PROZ: variants seen among roughly 807,000 people sequenced by gnomAD.
PROZ encodes the protein vitamin K-dependent protein Z.
A neutral mutation model predicts 34.9 loss-of-function variants in PROZ; 46 were observed. The observed-to-expected ratio is 1.32, with a 90% CI of 1.04 to 1.69. The LOEUF is 1.69. PROZ is among the 40% of genes most tolerant of loss of function. The pLI is 0.00. For synonymous variants in PROZ, 195 were observed against 208.5 expected (o/e 0.94, Z 0.56); for missense variants, 530 against 520.4 (o/e 1.02, Z -0.18).
intron 5 of PROZ, 22 bp from the exon 6 acceptor site, chr13:113,165,031 C>G: frequency 6.2e-7 from 1 of 1,612,592 alleles, no homozygotes; most frequent in African/African-American, 1.3e-5. Context: ...TTTTTATTCT[C>G]ATGTTGCTGC....
chr13:113,162,895 C>G, intron 3 of PROZ, 114 bp from the exon 4 acceptor site: 1 of 611,800 alleles, frequency 1.6e-6, no homozygotes. Context: ...GCTGCCACCC[C>G]CCACTCCATC....
Position 113,172,325 on chromosome 13 carries a change from C to G in PROZ, c.*220C>G. The G allele has an allele frequency of 3.3e-6, 2 of 602,480 alleles. No homozygotes were observed. The highest frequency in any genetic ancestry group is 5.9e-5 in the Admixed American group (2 of 33,906). 37.3% of individuals were successfully genotyped at this position (602,480 alleles called of 1,614,324 possible). On this transcript the variant is annotated 3_prime_UTR_variant, in exon 8 of 8. Transcript: ENST00000375547. ...TGGAACTCTTTATCTCAATAGAGAC[C>G]TTAAAAGAAAACATGAGATACGTTA...
At chr13:113,160,441 TCAGA>T (rs1482979344) in intron 2 of PROZ, among the ~76,000 whole-genome samples, 1 of 152,198 alleles carries the variant, frequency 6.6e-6, no homozygotes, top group Admixed American at 6.5e-5. Flanking sequence ...CACACACTGA[TCAGA>T]CACCCAGCAT....
In PROZ at chr13:113,159,223, G is replaced by A. The variant is rs1290933118; in HGVS notation, c.70+493G>A. 1.3e-6 allele frequency: 2 copies of A among 1,548,076 alleles called. No homozygotes were observed. Among genetic ancestry groups the A allele is most frequent in the East Asian group, 2.4e-5 (1 of 40,902 alleles). ...GCCACTTCACTGAAGGAACGACATG[G>A]ACTCCATTCTGACTCTGCCTGCACA... is the stretch of plus-strand genomic sequence containing the variant. On this transcript the variant is annotated intron_variant, in intron 1 of 7. Coordinates refer to ENST00000375547, the MANE Select transcript of PROZ (RefSeq NM_003891.3). The surrounding 1 kb of genome is among the most constrained non-coding windows in gnomAD (Gnocchi z 4.6).
chr13:113,164,940 T>TATA, intron 5 of PROZ, 113 bp from the exon 6 acceptor site: 6 of 1,112,492 alleles, frequency 5.4e-6, no homozygotes, highest in Non-Finnish European at 8.0e-6. Flanking sequence ...AGGATAAGAT[T>TATA]ATAATGGTTA....
intron 3 of PROZ, 92 bp downstream of exon 3, chr13:113,161,064 G>A (rs1176077442): frequency 2.2e-5 from 25 of 1,152,670 alleles, no homozygotes; most frequent in East Asian, 7.0e-5. Flanking sequence ...CCAGCTCAGC[G>A]GATGCCAAGC....
In PROZ at chr13:113,171,026, G is replaced by A. The variant is rs1456559822; in HGVS notation, c.691+496G>A. On this transcript the variant is annotated intron_variant, in intron 7 of 7. Transcript: ENST00000375547. This position sits in a 1 kb window ranked among gnomAD's most constrained non-coding sequence, Gnocchi z 5.1. ...CAACCTCTGCCTCCTGGGTTCAAGC[G>A]ATTCTCATGCCTCAGCCTCCCGAGT... Among the ~76,000 whole-genome samples, 2 of 151,866 alleles carry A rather than the reference G, an allele frequency of 1.3e-5. No individual in the cohort carries two copies. The highest frequency in any genetic ancestry group is 1.5e-5 in the Non-Finnish European group (1 of 67,994).
rs1201597733 is a variant in PROZ at position 113,172,032 on chromosome 13, G to A, written c.1130G>A (p.Gly377Glu). The A allele has an allele frequency of 1.9e-6, 3 of 1,613,038 alleles. No homozygotes were observed. The African/African-American group carries it at 4.0e-5, about 22-fold the overall frequency. Reference protein sequence around the residue: ...LTGVLGSQPVGGQAHMVLVTK... With the variant: ...LTGVLGSQPVEGQAHMVLVTK... ...GGGGTCCTGGGCTCGCAGCCAGTAG[G>A]AGGGCAGGCTCACATGGTCCTTGTC... The change falls in exon 8 of 8, where the codon GGA becomes GAA. Residue 377 changes from glycine (G) to glutamate (E), a missense_variant. Gly to Glu is a moderately conservative substitution (Grantham distance 98). Coordinates refer to ENST00000375547, the MANE Select transcript of PROZ (RefSeq NM_003891.3).
chr13:113,162,723 T>G lies in PROZ; in HGVS notation c.260-286T>G, dbSNP rs9577472. ...TGCTCAGGTCCCCGTCCCTGCCACC[T>G]CCCCACATCCTCCTCCTGCTCAGGT... On this transcript the variant is annotated intron_variant, in intron 3 of 7. Coordinates refer to ENST00000375547, the MANE Select transcript of PROZ (RefSeq NM_003891.3). Among the ~76,000 whole-genome samples the G allele has an allele frequency of 4.4e-3, 76 of 17,222 alleles. 16 individuals carry two copies. In the East Asian group the frequency reaches 0.12, roughly 28 times the overall value. The allele number at this position is 17,222 out of a possible 152,430, so 11.3% of individuals were successfully genotyped here. A position where few individuals can be genotyped will look rare whatever the true frequency, so the allele number is the denominator to read the frequency against.
Position 113,171,848 on chromosome 13 carries a change from A to G in PROZ, c.946A>G (p.Thr316Ala). The stretch of plus-strand genomic sequence containing the variant: ...CACTGACCTGGGCAACTCGCTGACC[A>G]CGCGGCCTGTCACACTTGTGGAGGG... ...NGTDLGNSLT[T>A]RPVTLVEGEE... Residue 316 changes from threonine (T) to alanine (A), a missense_variant, in exon 8 of 8, where the codon ACG becomes GCG. By Grantham distance (58) the Thr-to-Ala change is moderately conservative. Coordinates refer to ENST00000375547, the MANE Select transcript of PROZ (RefSeq NM_003891.3). This position sits in a 1 kb window ranked among gnomAD's most constrained non-coding sequence, Gnocchi z 5.1. The G allele has an allele frequency of 1.9e-6, 3 of 1,613,620 alleles. No individual in the cohort carries two copies. Among genetic ancestry groups the G allele is most frequent in the Non-Finnish European group, 2.5e-6 (3 of 1,180,012 alleles).
At chr13:113,169,593 A>G (rs2037048293) in intron 6 of PROZ, among the ~76,000 whole-genome samples, 1 of 152,186 alleles carries the variant, frequency 6.6e-6, no homozygotes, top group Non-Finnish European at 1.5e-5. Context: ...CCTTTGGCAC[A>G]TTGCTCTTAA....
At chr13:113,170,948 A>T (rs1282344710) in intron 7 of PROZ, among the ~76,000 whole-genome samples, 1 of 150,788 alleles carries the variant, frequency 6.6e-6, no homozygotes, top group Non-Finnish European at 1.5e-5. Flanking sequence ...TTTGAGACAG[A>T]GTCTCACTCA....
intron 6 of PROZ, 100 bp from the exon 7 acceptor site, chr13:113,170,313 G>A: frequency 1.4e-6 from 1 of 721,514 alleles, no homozygotes; most frequent in South Asian, 1.5e-5. Context: ...GGGTGGGGGT[G>A]GGGGTGGGGG....
rs3024789 is a variant in PROZ, at chr13:113,171,524, A to C, written c.692-70A>C. On this transcript the variant is annotated intron_variant, in intron 7 of 7. Coordinates refer to ENST00000375547, the MANE Select transcript of PROZ (RefSeq NM_003891.3). The surrounding 1 kb of genome is among the most constrained non-coding windows in gnomAD (Gnocchi z 5.1). ...CTCCCTCCTCACGTGGCTCCCTGAG[A>C]AGCTCGTTTGAGCATTATGTCCCCT... The C allele has an allele frequency of 8.3e-4, 1,332 of 1,602,210 alleles. 2 individuals carry two copies. Among genetic ancestry groups the C allele is most frequent in the Non-Finnish European group, 8.3e-4 (972 of 1,173,894 alleles).
chr13:113,163,149 C>G (rs2036795713), intron 4 of PROZ, 27 bp downstream of exon 4: 2 of 1,513,442 alleles, frequency 1.3e-6, no homozygotes, highest in South Asian at 1.2e-5. Flanking sequence ...CCCCTTCCCC[C>G]AAGGGCCTCC....
chr13:113,170,928 C>CTT (rs34930539), intron 7 of PROZ, among the ~76,000 whole-genome samples: 2 of 146,568 alleles, frequency 1.4e-5, no homozygotes, highest in East Asian at 2.0e-4. Flanking sequence ...CTATTTCTTT[C>CTT]TTTTTTTTTT....
chr13:113,163,387 C>T (rs1046372442), intron 4 of PROZ, among the ~76,000 whole-genome samples: 2 of 151,756 alleles, frequency 1.3e-5, no homozygotes, highest in Admixed American at 6.6e-5. Context: ...CCTCCCCCCA[C>T]CACCTCAACC....
At chr13:113,163,173 C>T in intron 4 of PROZ, 51 bp downstream of exon 4, 1 of 1,422,098 alleles carries the variant, frequency 7.0e-7, no homozygotes, top group Non-Finnish European at 9.7e-7. Flanking sequence ...GGCAGGTGGG[C>T]CTCACATCCT....
At chr13:113,161,494 T>C (rs545834314) in intron 3 of PROZ, among the ~76,000 whole-genome samples, 1 of 151,774 alleles carries the variant, frequency 6.6e-6, no homozygotes, top group African/African-American at 2.4e-5. Context: ...CACCTGGGAA[T>C]GAGTAAGCAA....
Sources: gnomAD v4.1 joint callset for allele counts (sites outside exome capture counted in the v4.1 genomes callset) on GRCh38, gnomAD v4.1.1 for gene constraint, Gnocchi (gnomAD v3.1) non-coding constraint, MANE v1.5 for transcripts, NCBI Gene and HGNC (gene_info 2026-07-23, HGNC 2026-07-21) for gene names.